The following HMCES variants were observed in gnomAD, a reference collection of about 807,000 sequenced individuals.
HMCES encodes 5-hydroxymethylcytosine binding, ES cell specific, also known as abasic site processing protein HMCES.
HMCES carries 27 observed loss-of-function variants against 35.1 expected under a neutral mutation model. The observed-to-expected ratio is 0.77, with a 90% CI of 0.57 to 1.06. The LOEUF is 1.06. Ranked by LOEUF, HMCES falls within the 50% of genes least tolerant of loss-of-function variation. The probability of loss-of-function intolerance (pLI) is 0.00; values close to 1 mark genes in which losing one functional copy is unlikely to be tolerated. For synonymous variants in HMCES, 130 were observed against 154.7 expected (o/e 0.84, Z 1.18); for missense variants, 391 against 430.4 (o/e 0.91, Z 0.81).
At chr3:129,295,158 CAAA>C (rs77238172) in intron 4 of HMCES, among the ~76,000 whole-genome samples, 3 of 64,628 alleles carry the variant, frequency 4.6e-5, no homozygotes, top group Non-Finnish European at 3.7e-5. Context: ...GACTCCATCT[CAAA>C]AAAAAAAAAA....
chr3:129,285,612 C>T (rs530798050), intron 2 of HMCES, among the ~76,000 whole-genome samples: 26 of 152,172 alleles, frequency 1.7e-4, no homozygotes, highest in African/African-American at 5.5e-4. Flanking sequence ...CCACCACGCC[C>T]GGCTAATTTT....
At chr3:129,297,610 T>C (rs573884652) in intron 4 of HMCES, among the ~76,000 whole-genome samples, 21 of 152,182 alleles carry the variant, frequency 1.4e-4, no homozygotes, top group African/African-American at 4.3e-4. Flanking sequence ...TTGCAGCTCC[T>C]AGGGATTCTG....
At chr3:129,292,569 T>A (rs2071034476) in intron 4 of HMCES, among the ~76,000 whole-genome samples, 1 of 149,354 alleles carries the variant, frequency 6.7e-6, no homozygotes, top group African/African-American at 2.5e-5. Context: ...CTCGGCTCAC[T>A]GCAGCCTCTG....
At chr3:129,280,025 A>C in intron 2 of HMCES, 110 bp downstream of exon 2, 1 of 923,550 alleles carries the variant, frequency 1.1e-6, no homozygotes. Flanking sequence ...ACCAGCCTTT[A>C]CTGATATATT....
At chr3:129,285,371 A>C (rs1940607696) in intron 2 of HMCES, among the ~76,000 whole-genome samples, 1 of 152,068 alleles carries the variant, frequency 6.6e-6, no homozygotes, top group South Asian at 2.1e-4. Flanking sequence ...CAGGGTAATT[A>C]TTGTTTGTTC....
Position 129,305,185 on chromosome 3 carries a change from G to T in HMCES, c.*360G>T. The T allele has an allele frequency of 4.5e-6, 1 of 223,432 alleles. No homozygotes were observed. The allele number at this position is 223,432 out of a possible 1,614,324, so 13.8% of individuals were successfully genotyped here. On this transcript the variant is annotated 3_prime_UTR_variant, in exon 7 of 7. Coordinates refer to ENST00000383463, the MANE Select transcript of HMCES (RefSeq NM_020187.3). ...GTAAGCTGTTTTCTGCTCAGCCACTGGGCTCTTTCACTTTTTTAGTTCTTA... is the reference window on the plus strand; with the variant it reads ...GTAAGCTGTTTTCTGCTCAGCCACTTGGCTCTTTCACTTTTTTAGTTCTTA...
intron 3 of HMCES, 25 bp downstream of exon 3, chr3:129,289,022 C>T (rs1300052149): frequency 6.6e-6 from 10 of 1,507,932 alleles, no homozygotes; most frequent in East Asian, 2.3e-5. Flanking sequence ...GCTATTAGTG[C>T]CCCGTATACC....
rs565617043 is a variant in HMCES at position 129,293,306 on chromosome 3, T to G, written c.453+2502T>G. The stretch of plus-strand genomic sequence containing the variant: ...CCTATCAGTGATGGGTGCACCAAAA[T>G]CTCAGAAATCACCACTAAAGAATTT... On this transcript the variant is annotated intron_variant, in intron 4 of 6. Transcript: ENST00000383463. 8.9e-4 allele frequency among the ~76,000 whole-genome samples: 135 copies of G among 152,188 alleles called. 2 individuals carry two copies. The highest frequency in any genetic ancestry group is 3.1e-3 in the African/African-American group (127 of 41,516).
intron 5 of HMCES, among the ~76,000 whole-genome samples, chr3:129,299,600 T>C (rs62266906): frequency 0.12 from 18,498 of 151,396 alleles, 1,278 homozygotes; most frequent in Middle Eastern, 0.23. Flanking sequence ...ATTTTATTTA[T>C]ATATAGGCCT....
chr3:129,301,210 GAA>G (rs71972836), intron 5 of HMCES, among the ~76,000 whole-genome samples: 24 of 95,564 alleles, frequency 2.5e-4, no homozygotes, highest in African/African-American at 9.9e-4. Context: ...AAAAAAAGAA[GAA>G]AAAAAAAAAA....
At chr3:129,285,655 G>A (rs757083435) in intron 2 of HMCES, among the ~76,000 whole-genome samples, 16 of 149,962 alleles carry the variant, frequency 1.1e-4, no homozygotes, top group African/African-American at 2.7e-4. Context: ...GGGTTTCACC[G>A]TGTTAGCCAG....
In HMCES at chr3:129,305,280, T is replaced by C. The variant is rs2071221109; in HGVS notation, c.*455T>C. ...AAAATTTATTTTTTTCCTGAATAAA[T>C]TGTATTTGGTAAACTTCTGCCTACA... On this transcript the variant is annotated 3_prime_UTR_variant, in exon 7 of 7. Transcript: ENST00000383463. 3 of 154,540 alleles carry C rather than the reference T, an allele frequency of 1.9e-5. No homozygotes were observed. Among genetic ancestry groups the C allele is most frequent in the East Asian group, 1.9e-4 (1 of 5,224 alleles). The allele number at this position is 154,540 out of a possible 1,614,324, so 9.6% of individuals were successfully genotyped here.
At chr3:129,280,918 A>G (rs1474860291) in intron 2 of HMCES, among the ~76,000 whole-genome samples, 2 of 152,208 alleles carry the variant, frequency 1.3e-5, no homozygotes, top group Admixed American at 6.5e-5. Flanking sequence ...TGACCTTGAC[A>G]TGTTTTTAAA....
intron 4 of HMCES, among the ~76,000 whole-genome samples, chr3:129,292,789 A>C (rs2071040286): frequency 6.6e-6 from 1 of 151,738 alleles, no homozygotes; most frequent in Admixed American, 6.6e-5. Context: ...TGGCCGAGAA[A>C]AGTTTTTTAT....
In HMCES at chr3:129,304,974, G is replaced by C. The variant is rs978240979; in HGVS notation, c.*149G>C. The stretch of plus-strand genomic sequence containing the variant: ...GGGCTCATGTAGTCTTTTTTGCCAT[G>C]AGTAGGAGCCCCTAGTGGGGCTGGT... On this transcript the variant is annotated 3_prime_UTR_variant, in exon 7 of 7. Transcript: ENST00000383463. 3.0e-6 allele frequency: 2 copies of C among 656,226 alleles called. No individual in the cohort carries two copies. Among genetic ancestry groups the C allele is most frequent in the African/African-American group, 3.6e-5 (2 of 54,996 alleles). The allele number at this position is 656,226 out of a possible 1,614,324, so 40.7% of individuals were successfully genotyped here.
At chr3:129,290,332 T>C (rs921268601) in intron 3 of HMCES, among the ~76,000 whole-genome samples, 3 of 152,118 alleles carry the variant, frequency 2.0e-5, no homozygotes, top group African/African-American at 7.2e-5. Flanking sequence ...TTGCCCAGGC[T>C]GGAGTGCAGT....
chr3:129,284,626 C>T (rs922672676), intron 2 of HMCES, among the ~76,000 whole-genome samples: 6 of 152,076 alleles, frequency 3.9e-5, no homozygotes, highest in Admixed American at 1.3e-4. Flanking sequence ...GAGAATTGGC[C>T]GGGCGCAGTG....
intron 4 of HMCES, among the ~76,000 whole-genome samples, chr3:129,291,895 A>G (rs1442701950): frequency 6.6e-6 from 1 of 152,144 alleles, no homozygotes; most frequent in Non-Finnish European, 1.5e-5. Flanking sequence ...GTTCAAGACC[A>G]ATCTGGGCAA....
intron 2 of HMCES, among the ~76,000 whole-genome samples, chr3:129,287,033 A>G (rs1940655742): frequency 6.6e-6 from 1 of 152,234 alleles, no homozygotes; most frequent in Non-Finnish European, 1.5e-5. Flanking sequence ...TATTAGTAAA[A>G]GGACGCAGAA....
Sources: gnomAD v4.1 joint callset for allele counts (sites outside exome capture counted in the v4.1 genomes callset) on GRCh38, gnomAD v4.1.1 for gene constraint, MANE v1.5 for transcripts, NCBI Gene and HGNC (gene_info 2026-07-23, HGNC 2026-07-21) for gene names.